ZBTB7C: variants seen among roughly 807,000 people sequenced by gnomAD.
ZBTB7C encodes the protein zinc finger and BTB domain-containing protein 7C.
Under a neutral mutation model 25.7 loss-of-function variants are expected in ZBTB7C, and 8 were observed. That is an observed-to-expected ratio of 0.31 (90% confidence interval 0.18 to 0.56). The LOEUF (loss-of-function observed/expected upper bound fraction) is 0.56. ZBTB7C is among the 20% of genes least tolerant of loss of function. ZBTB7C has a pLI of 0.91. For missense variants in ZBTB7C, 824 were observed against 855.2 expected (o/e 0.96, Z 0.46); for synonymous variants, 394 against 369.0 (o/e 1.07, Z -0.78).
At chr18:48,167,597 TGCGC>T (rs1555705445) in intron 3 of ZBTB7C, among the ~76,000 whole-genome samples, 46 of 148,160 alleles carry the variant, frequency 3.1e-4, no homozygotes, top group East Asian at 1.0e-3. Flanking sequence ...TGTGTGTGTG[TGCGC>T]GCGTGCACAC....
chr18:48,076,308 G>T (rs2037762073), intron 3 of ZBTB7C, among the ~76,000 whole-genome samples: 1 of 152,124 alleles, frequency 6.6e-6, no homozygotes, highest in Non-Finnish European at 1.5e-5. Flanking sequence ...GTGAAGGAAG[G>T]AATTGACACT....
intron 1 of ZBTB7C, among the ~76,000 whole-genome samples, chr18:48,397,380 C>T (rs765511023): frequency 7.9e-5 from 12 of 152,146 alleles, no homozygotes; most frequent in South Asian, 4.1e-4. Context: ...TTTGTACAGG[C>T]GGTTCCCCAC....
intron 3 of ZBTB7C, among the ~76,000 whole-genome samples, chr18:48,066,352 G>A (rs1249816062): frequency 6.6e-6 from 1 of 152,218 alleles, no homozygotes; most frequent in Non-Finnish European, 1.5e-5. Context: ...CCAAGCCCTG[G>A]GGGGGCGGAG....
At chr18:48,367,202 T>TATATACACAC (rs1302394192) in intron 1 of ZBTB7C, among the ~76,000 whole-genome samples, 6 of 63,404 alleles carry the variant, frequency 9.5e-5, no homozygotes, top group Admixed American at 6.5e-4. Context: ...TATATATATA[T>TATATACACAC]ACACACACAC....
chr18:48,263,707 A>AC (rs1325726726), intron 2 of ZBTB7C, among the ~76,000 whole-genome samples: 1 of 152,084 alleles, frequency 6.6e-6, no homozygotes, highest in African/African-American at 2.4e-5. Context: ...AAAAAAAAAA[A>AC]AACTCAGCAG....
At position 48,029,587 on chromosome 18, in the gene ZBTB7C, CAGCGCA is replaced by C. The variant is rs1256254006; in HGVS notation, c.1527_1532del (p.Ala510_Leu511del). 2.0e-6 allele frequency: 3 copies of C among 1,483,976 alleles called. No homozygotes were observed. The highest frequency in any genetic ancestry group is 2.7e-6 in the Non-Finnish European group (3 of 1,131,008). The allele number at this position is 1,483,976 out of a possible 1,614,324, so 91.9% of individuals were successfully genotyped here. On this transcript the variant is annotated inframe_deletion, in exon 5 of 5. Coordinates refer to ENST00000590800, the MANE Select transcript of ZBTB7C (RefSeq NM_001318841.2). ...CGCCCAGGTGGCCGCCCACCTCGCC[CAGCGCA>C]GGGGGCATCACGAAGGCCGCCTTGT... is the stretch of plus-strand genomic sequence containing the variant.
intron 1 of ZBTB7C, among the ~76,000 whole-genome samples, chr18:48,378,316 G>A (rs1188242803): frequency 6.6e-6 from 1 of 152,136 alleles, no homozygotes; most frequent in East Asian, 1.9e-4. Context: ...CTGCCACACT[G>A]AAAACAGGGG....
At chr18:48,133,252 G>A (rs1448240207) in intron 3 of ZBTB7C, among the ~76,000 whole-genome samples, 2 of 152,338 alleles carry the variant, frequency 1.3e-5, no homozygotes, top group East Asian at 3.9e-4. Context: ...CTGGCATGGA[G>A]GAGGGAGGTG....
At chr18:48,314,201 C>T (rs934589041) in intron 2 of ZBTB7C, among the ~76,000 whole-genome samples, 1 of 152,224 alleles carries the variant, frequency 6.6e-6, no homozygotes, top group Non-Finnish European at 1.5e-5. Flanking sequence ...TCAGTTATAT[C>T]TGAATTTCAG....
intron 2 of ZBTB7C, among the ~76,000 whole-genome samples, chr18:48,276,262 T>A (rs1433054466): frequency 6.7e-6 from 1 of 149,546 alleles, no homozygotes; most frequent in Non-Finnish European, 1.5e-5. Context: ...AGGTATGTCC[T>A]AAGCTTTCTC....
chr18:48,339,256 G>A (rs1489424549), intron 1 of ZBTB7C, among the ~76,000 whole-genome samples: 1 of 152,242 alleles, frequency 6.6e-6, no homozygotes, highest in African/African-American at 2.4e-5. Flanking sequence ...CCACCTGGCT[G>A]TGACTCTCAG....
intron 3 of ZBTB7C, among the ~76,000 whole-genome samples, chr18:48,090,091 G>A (rs1358939409): frequency 2.6e-5 from 4 of 152,236 alleles, no homozygotes; most frequent in East Asian, 1.9e-4. Context: ...CATAAGGTGG[G>A]ACCCATCGCG....
chr18:48,347,441 C>T (rs2046766882), intron 1 of ZBTB7C, among the ~76,000 whole-genome samples: 1 of 152,176 alleles, frequency 6.6e-6, no homozygotes. Flanking sequence ...CCCTAGGAAG[C>T]CCTCCAGAGG....
chr18:48,051,428 C>T (rs1320276461), intron 3 of ZBTB7C, among the ~76,000 whole-genome samples: 1 of 152,198 alleles, frequency 6.6e-6, no homozygotes, highest in African/African-American at 2.4e-5. Flanking sequence ...GCCTCTGGGG[C>T]AATCTGAAGT....
At chr18:48,244,755 C>G (rs541485022) in intron 2 of ZBTB7C, among the ~76,000 whole-genome samples, 1 of 152,110 alleles carries the variant, frequency 6.6e-6, no homozygotes, top group Admixed American at 6.5e-5. Flanking sequence ...CTTACTCCTA[C>G]AAGAAGGGCC....
intron 2 of ZBTB7C, among the ~76,000 whole-genome samples, chr18:48,334,688 C>A (rs561778870): frequency 1.3e-5 from 2 of 152,160 alleles, no homozygotes; most frequent in Non-Finnish European, 2.9e-5. Flanking sequence ...AAAAGAACAG[C>A]CATATTTCGT....
chr18:48,115,334 C>T (rs187007652), intron 3 of ZBTB7C, among the ~76,000 whole-genome samples: 1 of 152,220 alleles, frequency 6.6e-6, no homozygotes, highest in Non-Finnish European at 1.5e-5. Flanking sequence ...CTGCAGGCTC[C>T]GCCTCCTGGG....
chr18:48,029,290 G>A lies in ZBTB7C; in HGVS notation c.1830C>T (p.His610=), dbSNP rs1598736561. 1.3e-6 allele frequency: 2 copies of A among 1,538,824 alleles called. No homozygotes were observed. The highest frequency in any genetic ancestry group is 2.4e-5 in the East Asian group (1 of 41,148). Residue 610 remains histidine (H), a synonymous_variant, in exon 5 of 5, where the codon CAC becomes CAT. Transcript: ENST00000590800. Reference sequence around the variant, plus strand: ...TGTTGGCTTCGGACATGGAGGCCACGTGGTTGAGGCCGGCGAGCCCAGGGA... The same window carrying A: ...TGTTGGCTTCGGACATGGAGGCCACATGGTTGAGGCCGGCGAGCCCAGGGA... The part of the protein sequence containing the change: ...AGLPGLAGLN[H]VASMSEANN
intron 2 of ZBTB7C, among the ~76,000 whole-genome samples, chr18:48,301,074 C>G (rs889904493): frequency 6.6e-6 from 1 of 152,150 alleles, no homozygotes; most frequent in Non-Finnish European, 1.5e-5. Context: ...TGTTGGGCAC[C>G]CAGGCACCTG....
Sources: gnomAD v4.1 joint callset for allele counts (sites outside exome capture counted in the v4.1 genomes callset) on GRCh38, gnomAD v4.1.1 for gene constraint, MANE v1.5 for transcripts, NCBI Gene and HGNC (gene_info 2026-07-23, HGNC 2026-07-21) for gene names.